TRPM3: variants seen among roughly 807,000 people sequenced by gnomAD.
TRPM3 encodes long transient receptor potential channel 3.
TRPM3 carries 77 observed loss-of-function variants against 181.2 expected under a neutral mutation model. The observed-to-expected ratio is 0.42, with a 90% confidence interval of 0.35 to 0.51. The LOEUF is 0.51. TRPM3 is among the 20% of genes least tolerant of loss of function. TRPM3 has a pLI of 0.01. For synonymous variants in TRPM3, 745 were observed against 796.4 expected (o/e 0.94, Z 1.09); for missense variants, 1,759 against 2,196.7 (o/e 0.80, Z 3.98).
In TRPM3 at chr9:70,549,639, G is replaced by A. The variant is rs2131814076; in HGVS notation, c.3610C>T (p.His1204Tyr). 6.2e-7 allele frequency: 1 copy of A among 1,610,156 alleles called. No homozygotes were observed. The highest frequency in any genetic ancestry group is 8.5e-7 in the Non-Finnish European group (1 of 1,179,118). ...TCTATGCATTGCTCTTCAAAGTCATGTACTTTCTTGAGCTCATCATCGGTT... is the reference window on the plus strand; with the variant it reads ...TCTATGCATTGCTCTTCAAAGTCATATACTTTCTTGAGCTCATCATCGGTT... ...FITDDELKKV[H>Y]DFEEQCIEEY... Residue 1204 changes from histidine (H) to tyrosine (Y), a missense_variant, in exon 25 of 26, where the codon CAT becomes TAT. Coordinates refer to ENST00000677713, the MANE Select transcript of TRPM3 (RefSeq NM_001366145.2).
At chr9:71,178,794 T>C (rs887445554) in intron 1 of TRPM3, among the ~76,000 whole-genome samples, 1 of 152,124 alleles carries the variant, frequency 6.6e-6, no homozygotes, top group East Asian at 1.9e-4. Flanking sequence ...TACAGGATCC[T>C]TATCTATTTC....
intron 8 of TRPM3, among the ~76,000 whole-genome samples, chr9:70,687,604 C>G (rs1050630643): frequency 3.9e-5 from 6 of 152,194 alleles, no homozygotes; most frequent in African/African-American, 7.2e-5. Context: ...CTTCTGCTCT[C>G]TTGTGGACAG....
At chr9:71,013,240 T>C (rs1408647718) in intron 1 of TRPM3, among the ~76,000 whole-genome samples, 4 of 152,132 alleles carry the variant, frequency 2.6e-5, no homozygotes, top group African/African-American at 4.8e-5. Context: ...ACAACTATAG[T>C]AAATTATACT....
At chr9:70,923,374 T>G (rs139678726) in intron 1 of TRPM3, among the ~76,000 whole-genome samples, 1 of 152,224 alleles carries the variant, frequency 6.6e-6, no homozygotes, top group African/African-American at 2.4e-5. Context: ...TCCGTCAAGA[T>G]TACAACAGAA....
At chr9:70,879,301 G>A (rs2095936746) in intron 1 of TRPM3, among the ~76,000 whole-genome samples, 1 of 152,076 alleles carries the variant, frequency 6.6e-6, no homozygotes, top group South Asian at 2.1e-4. Context: ...CACAGAGTAA[G>A]CACTTAAATG....
chr9:71,331,836 G>T (rs75014908), intron 1 of TRPM3, among the ~76,000 whole-genome samples: 3 of 29,584 alleles, frequency 1.0e-4, no homozygotes, highest in Non-Finnish European at 1.6e-4. Context: ...GAAGAGGAGA[G>T]GGAGGAGGAG....
chr9:71,182,199 G>A (rs1178777385), intron 1 of TRPM3, among the ~76,000 whole-genome samples: 1 of 151,950 alleles, frequency 6.6e-6, no homozygotes, highest in Non-Finnish European at 1.5e-5. Flanking sequence ...GAATTTCAGA[G>A]GTATTTCTTA....
intron 1 of TRPM3, among the ~76,000 whole-genome samples, chr9:71,313,968 T>C (rs2088281169): frequency 6.6e-6 from 1 of 152,154 alleles, no homozygotes; most frequent in Non-Finnish European, 1.5e-5. Flanking sequence ...GAAAAGATCA[T>C]ATTCCTATCT....
intron 1 of TRPM3, among the ~76,000 whole-genome samples, chr9:71,169,419 T>C (rs941321797): frequency 1.3e-5 from 2 of 152,134 alleles, no homozygotes; most frequent in African/African-American, 2.4e-5. Flanking sequence ...AAATGTTATT[T>C]ATATGCAAAA....
At position 71,197,885 on chromosome 9, in the gene TRPM3, A is replaced by G. The variant is rs903238259; in HGVS notation, c.183+248768T>C. On this transcript the variant is annotated intron_variant, in intron 1 of 24. Transcript: ENST00000357533. ...AAGCTCTTTAGTTTAATTAGATCCCATTTGTCAATTTTGGCTTTTGTTGCC... is the reference window on the plus strand; with the variant it reads ...AAGCTCTTTAGTTTAATTAGATCCCGTTTGTCAATTTTGGCTTTTGTTGCC... 5.5e-4 allele frequency among the ~76,000 whole-genome samples: 82 copies of G among 148,388 alleles called. 1 individual carries two copies. In the East Asian group the frequency reaches 0.015, roughly 28 times the overall value.
chr9:70,814,270 G>A (rs2092460027), intron 6 of TRPM3, among the ~76,000 whole-genome samples: 1 of 152,154 alleles, frequency 6.6e-6, no homozygotes, highest in South Asian at 2.1e-4. Context: ...GAAACCAGCG[G>A]TATATGAGCT....
chr9:70,783,683 T>C (rs1197373883), intron 7 of TRPM3, among the ~76,000 whole-genome samples: 1 of 152,146 alleles, frequency 6.6e-6, no homozygotes, highest in Non-Finnish European at 1.5e-5. Flanking sequence ...AATGCTGGTG[T>C]TTGGAGGCCA....
At chr9:71,446,520 T>C in intron 1 of TRPM3, 1 of 920,850 alleles carries the variant, frequency 1.1e-6, no homozygotes, top group East Asian at 2.8e-5. Context: ...GCACTCTATT[T>C]CATTAGAAGC....
chr9:71,093,594 C>A (rs550958685), intron 1 of TRPM3, among the ~76,000 whole-genome samples: 1 of 152,242 alleles, frequency 6.6e-6, no homozygotes, highest in African/African-American at 2.4e-5. Context: ...ACAATAGATG[C>A]TGGAAAGGAT....
intron 1 of TRPM3, among the ~76,000 whole-genome samples, chr9:70,976,653 C>T (rs889766799): frequency 2.6e-4 from 39 of 152,164 alleles, no homozygotes; most frequent in African/African-American, 7.7e-4. Context: ...AGAGCCAGAC[C>T]GCCTACAGGA....
At chr9:70,747,353 G>A (rs1438983672) in intron 8 of TRPM3, among the ~76,000 whole-genome samples, 1 of 152,128 alleles carries the variant, frequency 6.6e-6, no homozygotes, top group Non-Finnish European at 1.5e-5. Context: ...AATTGAATAT[G>A]ACTAAAGAGA....
intron 1 of TRPM3, among the ~76,000 whole-genome samples, chr9:71,394,233 T>C (rs543296838): frequency 5.3e-4 from 81 of 152,290 alleles, no homozygotes; most frequent in African/African-American, 1.9e-3. Context: ...TGATGCATCA[T>C]AAATATTCTT....
chr9:71,216,658 C>T (rs898477451), intron 1 of TRPM3, among the ~76,000 whole-genome samples: 7 of 152,180 alleles, frequency 4.6e-5, no homozygotes, highest in Admixed American at 3.9e-4. Context: ...TTCTTCCTGA[C>T]ATATTCATAT....
At chr9:70,590,916 T>A (rs2058011620) in intron 22 of TRPM3, 115 bp downstream of exon 22, 1 of 1,383,462 alleles carries the variant, frequency 7.2e-7, no homozygotes, top group African/African-American at 1.4e-5. Flanking sequence ...AAGCTAGGAA[T>A]CAGTCCTCTA....
Sources: allele counts gnomAD v4.1 joint callset (sites outside exome capture counted in the v4.1 genomes callset), GRCh38; gene constraint gnomAD v4.1.1; transcripts MANE v1.5; gene names NCBI Gene and HGNC (gene_info 2026-07-23, HGNC 2026-07-21).